GYPC: variants seen among roughly 807,000 people sequenced by gnomAD.
GYPC encodes the protein glycophorin C (Gerbich blood group).
In GYPC, 14 loss-of-function variants were observed where a neutral mutation model predicts 12.6. The observed-to-expected ratio is 1.11, with a 90% CI of 0.74 to 1.74. The LOEUF (loss-of-function observed/expected upper bound fraction) is 1.74, where lower values mean the gene tolerates loss of function less well. Ranked by LOEUF, GYPC falls within the 40% of genes most tolerant of loss-of-function variation. GYPC has a pLI of 0.00. For synonymous variants in GYPC, 78 were observed against 62.1 expected (o/e 1.26, Z -1.20); for missense variants, 225 against 172.1 (o/e 1.31, Z -1.72).
At chr2:126,686,721 G>A in intron 1 of GYPC, 2 of 984,574 alleles carry the variant, frequency 2.0e-6, no homozygotes, top group Non-Finnish European at 2.4e-6. Flanking sequence ...GGATGCTTGG[G>A]TCTTTCCAAA....
intron 1 of GYPC, among the ~76,000 whole-genome samples, chr2:126,672,365 G>A (rs781017935): frequency 1.3e-5 from 2 of 152,094 alleles, no homozygotes; most frequent in Non-Finnish European, 2.9e-5. Flanking sequence ...TCCCTGAAAT[G>A]GGGGGCTTCA....
At chr2:126,661,537 G>T (rs1226001949) in intron 1 of GYPC, among the ~76,000 whole-genome samples, 1 of 150,864 alleles carries the variant, frequency 6.6e-6, no homozygotes, top group Non-Finnish European at 1.5e-5. Context: ...ACTGCAACCT[G>T]CGTCTCCTGG....
intron 1 of GYPC, chr2:126,685,774 T>C: frequency 1.0e-6 from 1 of 984,716 alleles, no homozygotes; most frequent in South Asian, 4.7e-5. Context: ...TGTCAAGCAG[T>C]CAACGTTGCT....
intron 1 of GYPC, among the ~76,000 whole-genome samples, chr2:126,677,697 C>A (rs1220292783): frequency 6.6e-6 from 1 of 152,084 alleles, no homozygotes; most frequent in Non-Finnish European, 1.5e-5. Context: ...CTGCCGTAAT[C>A]CTTCGCTAGG....
At chr2:126,663,696 T>G (rs1682602704) in intron 1 of GYPC, among the ~76,000 whole-genome samples, 1 of 152,134 alleles carries the variant, frequency 6.6e-6, no homozygotes, top group Non-Finnish European at 1.5e-5. Flanking sequence ...GGCCCCAGCA[T>G]TCACTGCACC....
At chr2:126,677,327 GAT>G (rs1457813545) in intron 1 of GYPC, among the ~76,000 whole-genome samples, 1 of 145,162 alleles carries the variant, frequency 6.9e-6, no homozygotes, top group African/African-American at 2.5e-5. Context: ...GAATGTGTGT[GAT>G]AGTGTGTAAG....
In GYPC at chr2:126,673,259, C is replaced by T. The variant is rs140827258; in HGVS notation, c.49+16947C>T. 8.5e-4 allele frequency among the ~76,000 whole-genome samples: 130 copies of T among 152,258 alleles called. 1 individual carries two copies. The highest frequency in any genetic ancestry group is 2.9e-3 in the East Asian group (15 of 5,166). ...GGAAGAGACTGACTCCTGATTCCTG[C>T]GCTTCTCATCTTCACCTAACATCTT... On this transcript the variant is annotated intron_variant, in intron 1 of 3. Transcript: ENST00000259254.
intron 1 of GYPC, among the ~76,000 whole-genome samples, chr2:126,674,622 G>A (rs917411838): frequency 6.6e-6 from 1 of 152,164 alleles, no homozygotes; most frequent in Non-Finnish European, 1.5e-5. Context: ...CCCATGTGAC[G>A]GCACTGAGCC....
At chr2:126,669,762 C>T (rs558612493) in intron 1 of GYPC, among the ~76,000 whole-genome samples, 3 of 152,132 alleles carry the variant, frequency 2.0e-5, no homozygotes, top group Admixed American at 6.5e-5. Flanking sequence ...TTCGAAGTTC[C>T]GATGAGCTAG....
chr2:126,690,082 C>T (rs1683410785), intron 1 of GYPC, among the ~76,000 whole-genome samples, 173 bp from the exon 2 acceptor site: 1 of 152,202 alleles, frequency 6.6e-6, no homozygotes, highest in African/African-American at 2.4e-5. Context: ...GAACCTGGTT[C>T]CTGGTCTGTG....
chr2:126,688,365 A>G (rs977380048), intron 1 of GYPC, among the ~76,000 whole-genome samples: 13 of 152,228 alleles, frequency 8.5e-5, no homozygotes, highest in South Asian at 2.1e-4. Context: ...AGAAAAGTCT[A>G]GAACTCCACC....
intron 1 of GYPC, chr2:126,686,719 G>C: frequency 1.0e-6 from 1 of 984,744 alleles, no homozygotes. Flanking sequence ...TAGGATGCTT[G>C]GGTCTTTCCA....
At chr2:126,663,739 G>A (rs1203745330) in intron 1 of GYPC, among the ~76,000 whole-genome samples, 6 of 152,160 alleles carry the variant, frequency 3.9e-5, no homozygotes, top group Non-Finnish European at 1.5e-5. Context: ...CCTGACCCTG[G>A]TGCACTCTAA....
chr2:126,656,617 G>A (rs974295974), intron 1 of GYPC, among the ~76,000 whole-genome samples: 4 of 152,374 alleles, frequency 2.6e-5, no homozygotes, highest in African/African-American at 7.2e-5. Flanking sequence ...TTTGTGCGGG[G>A]CATGTGAAAT....
chr2:126,684,500 C>T (rs28387184), intron 1 of GYPC, among the ~76,000 whole-genome samples: 35,094 of 152,054 alleles, frequency 0.23, 4,822 homozygotes, highest in Non-Finnish European at 0.32. Flanking sequence ...ACCACACTGG[C>T]ATTGCCCACC....
At chr2:126,662,905 A>G (rs1682571197) in intron 1 of GYPC, among the ~76,000 whole-genome samples, 1 of 152,058 alleles carries the variant, frequency 6.6e-6, no homozygotes, top group Non-Finnish European at 1.5e-5. Flanking sequence ...CTTGCTCTCC[A>G]GACTCCTCAG....
At chr2:126,690,923 A>G (rs1447876221) in intron 2 of GYPC, among the ~76,000 whole-genome samples, 4 of 152,012 alleles carry the variant, frequency 2.6e-5, no homozygotes, top group Admixed American at 6.5e-5. Flanking sequence ...CAGCTTATTA[A>G]TAACTCAGGA....
intron 1 of GYPC, among the ~76,000 whole-genome samples, chr2:126,659,309 G>C (rs1682463438): frequency 6.6e-6 from 1 of 152,190 alleles, no homozygotes; most frequent in African/African-American, 2.4e-5. Flanking sequence ...ACCCCCGTGA[G>C]GAAACGTGCC....
intron 1 of GYPC, among the ~76,000 whole-genome samples, chr2:126,683,522 C>A (rs996069349): frequency 3.9e-5 from 6 of 152,070 alleles, no homozygotes; most frequent in Non-Finnish European, 5.9e-5. Context: ...GATGGTTCCA[C>A]TTTTTCATAC....
Sources: allele counts gnomAD v4.1 joint callset (sites outside exome capture counted in the v4.1 genomes callset), GRCh38; gene constraint gnomAD v4.1.1; transcripts MANE v1.5; gene names NCBI Gene and HGNC (gene_info 2026-07-23, HGNC 2026-07-21).